Variants in KIF3B observed in about 807,000 individuals in gnomAD.
KIF3B encodes kinesin family member 3B.
KIF3B carries 38 observed loss-of-function variants against 74.3 expected under a neutral mutation model. The observed-to-expected ratio is 0.51, with a 90% confidence interval of 0.39 to 0.67. KIF3B has a LOEUF of 0.67. Among genes scored for constraint, KIF3B ranks in the 30% least tolerant of loss-of-function variants. The pLI is 0.00. For synonymous variants in KIF3B, 326 were observed against 342.5 expected (o/e 0.95, Z 0.53); for missense variants, 649 against 932.0 (o/e 0.70, Z 3.95).
intron 1 of KIF3B, among the ~76,000 whole-genome samples, chr20:32,287,670 A>G (rs1163907963): frequency 6.6e-6 from 1 of 152,052 alleles, no homozygotes; most frequent in Non-Finnish European, 1.5e-5. Flanking sequence ...TTTAGTAGTA[A>G]CTACTACACT....
chr20:32,294,579 T>C (rs1222032489), intron 1 of KIF3B, among the ~76,000 whole-genome samples: 1 of 152,250 alleles, frequency 6.6e-6, no homozygotes, highest in Non-Finnish European at 1.5e-5. Flanking sequence ...TACTTTTCAA[T>C]GTTAAAAGCT....
chr20:32,319,638 T>C (rs1184346021), intron 5 of KIF3B, among the ~76,000 whole-genome samples: 1 of 144,048 alleles, frequency 6.9e-6, no homozygotes, highest in Non-Finnish European at 1.5e-5. Context: ...CAGGCTGGAA[T>C]GCAATGGCGT....
chr20:32,291,105 AGG>A (rs1318306259), intron 1 of KIF3B, among the ~76,000 whole-genome samples: 1 of 152,028 alleles, frequency 6.6e-6, no homozygotes, highest in Non-Finnish European at 1.5e-5. Flanking sequence ...GGCTAAGGAG[AGG>A]GGGAAATGGG....
chr20:32,296,124 A>G (rs1365424980), intron 1 of KIF3B, among the ~76,000 whole-genome samples: 1 of 151,634 alleles, frequency 6.6e-6, no homozygotes, highest in Non-Finnish European at 1.5e-5. Context: ...CGGCCTCCCA[A>G]AGTGCTGAGA....
At chr20:32,295,936 C>T (rs998801172) in intron 1 of KIF3B, among the ~76,000 whole-genome samples, 2 of 146,022 alleles carry the variant, frequency 1.4e-5, no homozygotes, top group Non-Finnish European at 3.0e-5. Context: ...ATGATCTCAG[C>T]TCACTGCAAC....
chr20:32,326,916 A>C, intron 6 of KIF3B, 32 bp downstream of exon 6: 1 of 1,025,144 alleles, frequency 9.8e-7, no homozygotes, highest in Non-Finnish European at 1.5e-6. Flanking sequence ...GTATATTTTC[A>C]AGTATGAGGG....
At chr20:32,294,357 G>A (rs6141662) in intron 1 of KIF3B, among the ~76,000 whole-genome samples, 52,002 of 151,820 alleles carry the variant, frequency 0.34, 10,219 homozygotes, top group East Asian at 0.74. Flanking sequence ...GTTTCTTTCC[G>A]GAGAACTAGC....
Position 32,330,264 on chromosome 20 carries a change from A to T in KIF3B, c.2092A>T (p.Ile698Leu). 4 of 1,614,112 alleles carry T rather than the reference A, an allele frequency of 2.5e-6. No homozygotes were observed. The highest frequency in any genetic ancestry group is 2.5e-6 in the Non-Finnish European group (3 of 1,180,012). ...TGCGGCTCTGCAGGATGAAGATGAGATACAGGTGGATGCATCATCATTTGA... is the reference window on the plus strand; with the variant it reads ...TGCGGCTCTGCAGGATGAAGATGAGTTACAGGTGGATGCATCATCATTTGA... ...LDAALQDEDE[I>L]QVDASSFEST... The change falls in exon 8 of 9, where the codon ATA (isoleucine) becomes TTA (leucine). Residue 698 changes from isoleucine to leucine, a missense_variant. By Grantham distance (5) the Ile-to-Leu change is conservative. Transcript: ENST00000375712.
chr20:32,321,457 C>T (rs572457009), intron 5 of KIF3B, among the ~76,000 whole-genome samples: 4 of 151,786 alleles, frequency 2.6e-5, no homozygotes, highest in Non-Finnish European at 2.9e-5. Context: ...GTCAGTTGAC[C>T]GTAATTAAGC....
At chr20:32,319,732 C>A (rs1480754158) in intron 5 of KIF3B, among the ~76,000 whole-genome samples, 1 of 143,166 alleles carries the variant, frequency 7.0e-6, no homozygotes, top group African/African-American at 2.6e-5. Flanking sequence ...AATACAGGCA[C>A]CCGCCACCAT....
At chr20:32,291,940 G>C (rs534785497) in intron 1 of KIF3B, among the ~76,000 whole-genome samples, 4 of 149,568 alleles carry the variant, frequency 2.7e-5, no homozygotes, top group African/African-American at 9.8e-5. Flanking sequence ...CTTGAGACAG[G>C]GTCTCACTGT....
intron 1 of KIF3B, among the ~76,000 whole-genome samples, chr20:32,281,454 G>A (rs1352294054): frequency 1.3e-5 from 2 of 152,238 alleles, no homozygotes; most frequent in East Asian, 3.8e-4. Flanking sequence ...TTGCTCTCAT[G>A]CAGCTTATAT....
chr20:32,314,481 A>C (rs1241784342), intron 2 of KIF3B, among the ~76,000 whole-genome samples: 1 of 152,080 alleles, frequency 6.6e-6, no homozygotes, highest in Non-Finnish European at 1.5e-5. Flanking sequence ...CAGAGGTTGC[A>C]GTGAGCCAAG....
intron 1 of KIF3B, among the ~76,000 whole-genome samples, chr20:32,300,500 C>G (rs1346413538): frequency 6.6e-6 from 1 of 152,116 alleles, no homozygotes; most frequent in Non-Finnish European, 1.5e-5. Context: ...ACAATAGTCT[C>G]CATCTCCTGT....
chr20:32,282,449 G>T (rs2047647413), intron 1 of KIF3B, among the ~76,000 whole-genome samples: 1 of 152,150 alleles, frequency 6.6e-6, no homozygotes, highest in Non-Finnish European at 1.5e-5. Context: ...CAAGGTATAA[G>T]CATCATACTT....
At position 32,292,107 on chromosome 20, in the gene KIF3B, T is replaced by A. The variant is rs184580824; in HGVS notation, c.-66+14342T>A. Among the ~76,000 whole-genome samples, 8 of 151,900 alleles carry A rather than the reference T, an allele frequency of 5.3e-5. No homozygotes were observed. In the East Asian group the frequency reaches 9.7e-4, roughly 18 times the overall value. ...TATACCACCGCACCTGGCTAATTTT[T>A]AAAAATTTTTTTGTAGAGACAGGAT... On this transcript the variant is annotated intron_variant, in intron 1 of 8. Transcript: ENST00000375712.
chr20:32,299,868 A>C (rs575789317), intron 1 of KIF3B, among the ~76,000 whole-genome samples: 44 of 151,974 alleles, frequency 2.9e-4, no homozygotes, highest in African/African-American at 1.1e-3. Flanking sequence ...GACTTGCTGC[A>C]GTCTTAACCT....
chr20:32,328,602 C>T (rs1600440816), intron 7 of KIF3B, among the ~76,000 whole-genome samples: 1 of 133,562 alleles, frequency 7.5e-6, no homozygotes, highest in African/African-American at 3.6e-5. Context: ...GGCAGAGCGA[C>T]ACTCTGTCTC....
At chr20:32,292,726 C>T (rs2047698999) in intron 1 of KIF3B, among the ~76,000 whole-genome samples, 2 of 152,098 alleles carry the variant, frequency 1.3e-5, no homozygotes, top group African/African-American at 4.8e-5. Context: ...CACTGCACTC[C>T]AGCCTGGGCA....
Sources: gnomAD v4.1 joint callset for allele counts (sites outside exome capture counted in the v4.1 genomes callset) on GRCh38, gnomAD v4.1.1 for gene constraint, MANE v1.5 for transcripts, NCBI Gene and HGNC (gene_info 2026-07-23, HGNC 2026-07-21) for gene names.